The following ANKRD22 variants were observed in gnomAD, a reference collection of about 807,000 sequenced individuals.
The protein encoded by ANKRD22 is ankyrin repeat domain-containing protein 22.
ANKRD22 carries 24 observed loss-of-function variants against 25.7 expected under a neutral mutation model. That is an observed-to-expected ratio of 0.93 (90% confidence interval 0.68 to 1.31). ANKRD22 has a LOEUF of 1.31. Among genes scored for constraint, ANKRD22 ranks in the 50% most tolerant of loss-of-function variants. ANKRD22 has a pLI of 0.00. For synonymous variants in ANKRD22, 84 were observed against 84.3 expected (o/e 1.00, Z 0.02); for missense variants, 214 against 227.1 (o/e 0.94, Z 0.37).
intron 1 of ANKRD22, among the ~76,000 whole-genome samples, chr10:88,837,860 C>A (rs1843968543): frequency 6.6e-6 from 1 of 152,208 alleles, no homozygotes; most frequent in African/African-American, 2.4e-5. Flanking sequence ...CTTTTGCCAG[C>A]TGCCATGATT....
chr10:88,850,968 C>A lies in ANKRD22; in HGVS notation c.21+619G>T, dbSNP rs183232313. Among the ~76,000 whole-genome samples, 94 of 152,226 alleles carry A rather than the reference C, an allele frequency of 6.2e-4. 1 individual carries two copies. The highest frequency in any genetic ancestry group is 2.2e-3 in the African/African-American group (92 of 41,552). The stretch of plus-strand genomic sequence containing the variant: ...TGTACTCTTGTCTAAACATTCCTTG[C>A]TTGTACTTTCTTGAAACATCATTAA... On this transcript the variant is annotated intron_variant, in intron 1 of 5. Transcript: ENST00000371930.
intron 4 of ANKRD22, 71 bp downstream of exon 4, chr10:88,825,967 A>C: frequency 1.6e-6 from 2 of 1,275,594 alleles, no homozygotes; most frequent in South Asian, 2.6e-5. Flanking sequence ...GCAACTGTAC[A>C]GATGACAAAT....
chr10:88,823,202 A>C lies in ANKRD22; in HGVS notation c.498+78T>G, dbSNP rs1647871512. The C allele has an allele frequency of 2.9e-6, 4 of 1,370,864 alleles. No individual in the cohort carries two copies. The South Asian group carries it at 4.7e-5, about 16-fold the overall frequency. The allele number at this position is 1,370,864 out of a possible 1,614,324, so 84.9% of individuals were successfully genotyped here. On this transcript the variant is annotated intron_variant, in intron 5 of 5. Coordinates refer to ENST00000371930, the MANE Select transcript of ANKRD22 (RefSeq NM_144590.3). ...ACTGTTGTTTACGTCAGAGGCAAATAATTTACTTCAACATAAGGCCTAGAT... is the reference window on the plus strand; with the variant it reads ...ACTGTTGTTTACGTCAGAGGCAAATCATTTACTTCAACATAAGGCCTAGAT...
intron 2 of ANKRD22, 89 bp downstream of exon 2, chr10:88,831,746 T>C (rs564239939): frequency 7.4e-7 from 1 of 1,343,456 alleles, no homozygotes; most frequent in East Asian, 2.5e-5. Context: ...TGCAAGCAAT[T>C]TAAAAAATGA....
intron 1 of ANKRD22, among the ~76,000 whole-genome samples, chr10:88,848,256 T>G (rs1375056444): frequency 2.0e-5 from 3 of 150,510 alleles, no homozygotes; most frequent in South Asian, 4.2e-4. Flanking sequence ...AAACATAGTA[T>G]GTACTCAATA....
chr10:88,826,443 T>G (rs1252927564), intron 3 of ANKRD22, among the ~76,000 whole-genome samples: 1 of 152,218 alleles, frequency 6.6e-6, no homozygotes, highest in East Asian at 1.9e-4. Context: ...GTGCAATTAC[T>G]TCCCATTGCT....
At chr10:88,834,820 A>G (rs1294693627) in intron 1 of ANKRD22, among the ~76,000 whole-genome samples, 1 of 152,114 alleles carries the variant, frequency 6.6e-6, no homozygotes, top group Non-Finnish European at 1.5e-5. Flanking sequence ...TCTGGTGCCT[A>G]TAATCCCAGC....
At chr10:88,838,914 G>T (rs1036619667) in intron 1 of ANKRD22, among the ~76,000 whole-genome samples, 1 of 152,164 alleles carries the variant, frequency 6.6e-6, no homozygotes, top group Non-Finnish European at 1.5e-5. Context: ...TTGAAGAGAA[G>T]GAGTATTTAC....
At chr10:88,847,879 GC>G (rs1162642356) in intron 1 of ANKRD22, among the ~76,000 whole-genome samples, 2 of 151,966 alleles carry the variant, frequency 1.3e-5, no homozygotes, top group East Asian at 3.9e-4. Context: ...CTGCACAGGT[GC>G]CATTTTTTAC....
chr10:88,826,226 TG>T, intron 3 of ANKRD22, 111 bp from the exon 4 acceptor site: 1 of 814,014 alleles, frequency 1.2e-6, no homozygotes, highest in Admixed American at 2.8e-5. Context: ...CTCCTATGCA[TG>T]CATGCACCCT....
At chr10:88,834,103 C>T (rs369375590) in intron 1 of ANKRD22, among the ~76,000 whole-genome samples, 60 of 152,318 alleles carry the variant, frequency 3.9e-4, no homozygotes, top group African/African-American at 1.4e-3. Flanking sequence ...AGGGTTATGT[C>T]AACACAATAG....
chr10:88,826,839 C>T (rs1353297413), intron 3 of ANKRD22, among the ~76,000 whole-genome samples: 1 of 152,150 alleles, frequency 6.6e-6, no homozygotes, highest in Non-Finnish European at 1.5e-5. Flanking sequence ...TAATGACTCT[C>T]CCCACCACCC....
chr10:88,826,486 T>C (rs1237249727), intron 3 of ANKRD22, among the ~76,000 whole-genome samples: 1 of 152,238 alleles, frequency 6.6e-6, no homozygotes, highest in Non-Finnish European at 1.5e-5. Context: ...CAGCATGACC[T>C]ACAAAGCCCC....
intron 1 of ANKRD22, among the ~76,000 whole-genome samples, chr10:88,835,678 T>A (rs1358490778): frequency 6.6e-6 from 1 of 152,226 alleles, no homozygotes; most frequent in Non-Finnish European, 1.5e-5. Context: ...TATAATCTTA[T>A]AGGAACACTG....
chr10:88,834,436 A>C (rs1202904813), intron 1 of ANKRD22, among the ~76,000 whole-genome samples: 1 of 152,194 alleles, frequency 6.6e-6, no homozygotes, highest in Admixed American at 6.5e-5. Context: ...TTTTACCATA[A>C]ACTAGTGAAA....
intron 3 of ANKRD22, among the ~76,000 whole-genome samples, chr10:88,828,300 C>T (rs761172731): frequency 3.9e-5 from 6 of 152,108 alleles, no homozygotes; most frequent in Non-Finnish European, 8.8e-5. Context: ...TCAGAAAAGT[C>T]TTAGTTAAGG....
intron 2 of ANKRD22, 150 bp from the exon 3 acceptor site, chr10:88,828,816 G>A (rs1397916892): frequency 4.0e-5 from 25 of 622,040 alleles, no homozygotes; most frequent in Non-Finnish European, 5.5e-5. Context: ...TACTGAATGC[G>A]GCTTTCCATG....
At position 88,823,612 on chromosome 10, in the gene ANKRD22, G is replaced by A. The variant is rs550384774; in HGVS notation, c.400-234C>T. The A allele has an allele frequency of 3.6e-4, 149 of 409,092 alleles. 1 individual carries two copies. In the East Asian group the frequency reaches 7.7e-3, roughly 21 times the overall value. 25.3% of individuals were successfully genotyped at this position (409,092 alleles called of 1,614,324 possible). A position where few individuals can be genotyped will look rare whatever the true frequency, so the allele number is the denominator to read the frequency against. On this transcript the variant is annotated intron_variant, in intron 4 of 5. Coordinates refer to ENST00000371930, the MANE Select transcript of ANKRD22 (RefSeq NM_144590.3). ...GGAGGCCGAGGCGGGCGGATCACGA[G>A]GTCAGAGGATCGAGACCGTCCTGGC...
At position 88,851,618 on chromosome 10, in the gene ANKRD22, C is replaced by T; in HGVS notation, c.-11G>A. On this transcript the variant is annotated 5_prime_UTR_variant, in exon 1 of 6. Coordinates refer to ENST00000371930, the MANE Select transcript of ANKRD22 (RefSeq NM_144590.3). Reference sequence around the variant, plus strand: ...GTATAGGATTCCCATGCTGGTCCTTCACAGGCTTACTTCACCTCTACAGCT... The same window carrying T: ...GTATAGGATTCCCATGCTGGTCCTTTACAGGCTTACTTCACCTCTACAGCT... 2 of 1,613,322 alleles carry T rather than the reference C, an allele frequency of 1.2e-6. No homozygotes were observed. The highest frequency in any genetic ancestry group is 1.7e-6 in the Non-Finnish European group (2 of 1,179,474).
Sources: gnomAD v4.1 joint callset for allele counts (sites outside exome capture counted in the v4.1 genomes callset) on GRCh38, gnomAD v4.1.1 for gene constraint, MANE v1.5 for transcripts, NCBI Gene and HGNC (gene_info 2026-07-23, HGNC 2026-07-21) for gene names.